Variants in PDS5B observed in about 807,000 individuals in gnomAD.
PDS5B encodes sister chromatid cohesion protein PDS5 homolog B.
Under a neutral mutation model 184.1 loss-of-function variants are expected in PDS5B, and 51 were observed. The ratio of observed to expected loss-of-function variants is 0.28; its 90% confidence interval spans 0.22 to 0.35. PDS5B has a LOEUF of 0.35. PDS5B is among the 10% of genes least tolerant of loss of function. The probability of loss-of-function intolerance (pLI) is 1.00; values close to 1 mark genes in which losing one functional copy is unlikely to be tolerated. For missense variants in PDS5B, 1,180 were observed against 1,723.3 expected, an observed-to-expected ratio of 0.68 and a Z score of 5.58; for synonymous variants, 566 against 569.2, an observed-to-expected ratio of 0.99 and a Z score of 0.08.
intron 6 of PDS5B, among the ~76,000 whole-genome samples, chr13:32,663,998 A>T (rs1276899684): frequency 1.3e-5 from 2 of 152,154 alleles, no homozygotes; most frequent in African/African-American, 4.8e-5. Flanking sequence ...GAGTTACTTC[A>T]CTTAGAATAA....
At chr13:32,721,111 C>G (rs1207584922) in intron 19 of PDS5B, among the ~76,000 whole-genome samples, 2 of 152,270 alleles carry the variant, frequency 1.3e-5, no homozygotes, top group Non-Finnish European at 2.9e-5. Context: ...TTCTATTCGA[C>G]AAAACCACCA....
At chr13:32,736,643 T>C (rs1953338938) in intron 21 of PDS5B, among the ~76,000 whole-genome samples, 1 of 152,140 alleles carries the variant, frequency 6.6e-6, no homozygotes, top group African/African-American at 2.4e-5. Context: ...ATATATAGCT[T>C]AAAGTTTTTT....
chr13:32,627,276 A>ACAGT (rs1211655791), intron 1 of PDS5B, among the ~76,000 whole-genome samples: 1 of 152,202 alleles, frequency 6.6e-6, no homozygotes, highest in African/African-American at 2.4e-5. Context: ...GCAGTGCTTT[A>ACAGT]CAGTCTGTAC....
chr13:32,701,702 A>G (rs537818807), intron 17 of PDS5B, among the ~76,000 whole-genome samples: 14 of 152,132 alleles, frequency 9.2e-5, no homozygotes, highest in African/African-American at 3.4e-4. Context: ...GGATTGGTTC[A>G]AATTGTGTGA....
At chr13:32,596,490 G>A (rs2057873331) in intron 1 of PDS5B, among the ~76,000 whole-genome samples, 1 of 152,160 alleles carries the variant, frequency 6.6e-6, no homozygotes, top group South Asian at 2.1e-4. Context: ...TTGCAAGTGT[G>A]TGTTTTCATT....
chr13:32,641,461 T>A (rs1053479355), intron 1 of PDS5B, among the ~76,000 whole-genome samples: 1 of 152,224 alleles, frequency 6.6e-6, no homozygotes, highest in Non-Finnish European at 1.5e-5. Context: ...TGAAGTCATT[T>A]TGTATGTTTT....
chr13:32,765,323 G>GT (rs1954549769), intron 31 of PDS5B, among the ~76,000 whole-genome samples: 1 of 152,190 alleles, frequency 6.6e-6, no homozygotes, highest in African/African-American at 2.4e-5. Flanking sequence ...CTTTATCAGA[G>GT]TAAGTGACTT....
chr13:32,737,529 C>T (rs777968241), intron 21 of PDS5B, among the ~76,000 whole-genome samples: 13 of 152,170 alleles, frequency 8.5e-5, no homozygotes, highest in African/African-American at 3.1e-4. Flanking sequence ...TCTTTGCTTT[C>T]CCTCCTTATT....
At chr13:32,708,204 A>G (rs1424283592) in intron 18 of PDS5B, among the ~76,000 whole-genome samples, 1 of 152,196 alleles carries the variant, frequency 6.6e-6, no homozygotes, top group Non-Finnish European at 1.5e-5. Context: ...GCAGTCATAG[A>G]GGTGTATGTA....
intron 19 of PDS5B, among the ~76,000 whole-genome samples, chr13:32,725,720 C>G (rs1409782941): frequency 6.6e-6 from 1 of 151,970 alleles, no homozygotes; most frequent in Admixed American, 6.6e-5. Context: ...TCTCTTTTTT[C>G]CCTCATGGCA....
chr13:32,705,591 C>A (rs1951986189), intron 17 of PDS5B, among the ~76,000 whole-genome samples: 1 of 152,094 alleles, frequency 6.6e-6, no homozygotes, highest in Non-Finnish European at 1.5e-5. Flanking sequence ...GGTATGTTTT[C>A]TGTCTCTGGT....
At position 32,778,009 on chromosome 13, in the gene PDS5B, A is replaced by G. The variant is rs1955002845; in HGVS notation, c.*2957A>G. 6.6e-6 allele frequency: 1 copy of G among 152,466 alleles called. No individual in the cohort carries two copies. Among genetic ancestry groups the G allele is most frequent in the Non-Finnish European group, 1.5e-5 (1 of 67,874 alleles). 9.4% of individuals were successfully genotyped at this position (152,466 alleles called of 1,614,324 possible). ...TGGATTTCTGTGAAGTTGAATAAAC[A>G]TAAAAGCTAATACAGTTGTATTATT... On this transcript the variant is annotated 3_prime_UTR_variant, in exon 35 of 35. Transcript: ENST00000315596.
chr13:32,735,749 G>A (rs115768401), intron 21 of PDS5B, among the ~76,000 whole-genome samples: 311 of 152,214 alleles, frequency 2.0e-3, no homozygotes, highest in African/African-American at 7.3e-3. Flanking sequence ...CATTGGGAGA[G>A]GAAATAATGA....
At chr13:32,627,320 A>G (rs910305161) in intron 1 of PDS5B, among the ~76,000 whole-genome samples, 41 of 152,180 alleles carry the variant, frequency 2.7e-4, no homozygotes, top group African/African-American at 9.7e-4. Flanking sequence ...TCTACATTTT[A>G]TGGAAGAGAA....
chr13:32,710,067 C>T lies in PDS5B; in HGVS notation c.2084C>T (p.Thr695Ile). The part of the protein sequence containing the change: ...AEAALQIFKN[T>I]GSKIEEDFPH... ...GCTGCACTACAAATTTTCAAAAACA[C>T]AGGAAGCAAAATTGAAGAGGATTTT... The change falls in exon 19 of 35, where the codon ACA becomes ATA. Residue 695 changes from threonine (T) to isoleucine (I), a missense_variant. Coordinates refer to ENST00000315596, the MANE Select transcript of PDS5B (RefSeq NM_015032.4). The T allele has an allele frequency of 6.5e-7, 1 of 1,530,004 alleles. No homozygotes were observed. The highest frequency in any genetic ancestry group is 8.9e-7 in the Non-Finnish European group (1 of 1,126,486). 94.8% of individuals were successfully genotyped at this position (1,530,004 alleles called of 1,614,324 possible).
At chr13:32,691,882 T>C (rs1163217852) in intron 13 of PDS5B, among the ~76,000 whole-genome samples, 6 of 152,136 alleles carry the variant, frequency 3.9e-5, no homozygotes, top group East Asian at 1.9e-4. Context: ...CCTAATCTTA[T>C]GAGTATCAAA....
At position 32,684,036 on chromosome 13, in the gene PDS5B, A is replaced by G. The variant is rs761148392; in HGVS notation, c.1203+13A>G. 7.5e-7 allele frequency: 1 copy of G among 1,339,022 alleles called. No homozygotes were observed. The highest frequency in any genetic ancestry group is 1.0e-6 in the Non-Finnish European group (1 of 970,288). 82.9% of individuals were successfully genotyped at this position (1,339,022 alleles called of 1,614,324 possible). On this transcript the variant is annotated intron_variant, in intron 11 of 34. Transcript: ENST00000315596. ...ATTAGACAAACGAGTAAGTATGAAT[A>G]AATAATTATTACTAAGTTTTCATTT...
At chr13:32,638,784 G>C (rs541100726) in intron 1 of PDS5B, among the ~76,000 whole-genome samples, 1 of 152,070 alleles carries the variant, frequency 6.6e-6, no homozygotes, top group East Asian at 1.9e-4. Context: ...GATGTGAGGA[G>C]GGCTATTTCC....
intron 1 of PDS5B, among the ~76,000 whole-genome samples, chr13:32,618,709 GTATT>G (rs1019115915): frequency 6.6e-6 from 1 of 152,102 alleles, no homozygotes; most frequent in Non-Finnish European, 1.5e-5. Context: ...GGGCATTCAT[GTATT>G]TATTTATATT....
Sources: allele counts gnomAD v4.1 joint callset (sites outside exome capture counted in the v4.1 genomes callset), GRCh38; gene constraint gnomAD v4.1.1; transcripts MANE v1.5; gene names NCBI Gene and HGNC (gene_info 2026-07-23, HGNC 2026-07-21).